CUL9: variants seen among roughly 807,000 people sequenced by gnomAD.
CUL9 encodes cullin 9.
In CUL9, 79 loss-of-function variants were observed where a neutral mutation model predicts 272.6. That is an observed-to-expected ratio of 0.29 (90% CI 0.24 to 0.35). The LOEUF (loss-of-function observed/expected upper bound fraction) is 0.35, where lower values mean the gene tolerates loss of function less well. Among genes scored for constraint, CUL9 ranks in the 10% least tolerant of loss-of-function variants. The pLI, the probability that CUL9 is intolerant of heterozygous loss-of-function variation, is 1.00. For missense variants in CUL9, 2,532 were observed against 3,255.6 expected (o/e 0.78, Z 5.41); for synonymous variants, 1,186 against 1,286.5 (o/e 0.92, Z 1.67).
In CUL9 at chr6:43,222,537, G is replaced by A; in HGVS notation, c.6928G>A (p.Ala2310Thr). 6.2e-7 allele frequency: 1 copy of A among 1,613,954 alleles called. No homozygotes were observed. The highest frequency in any genetic ancestry group is 8.5e-7 in the Non-Finnish European group (1 of 1,180,000). The part of the protein sequence containing the change: ...CTFHHQAREF[A>T]VNLRNRVSAI... ...TACACCTTCCTCCACACAGGAGTTT[G>A]CTGTGAACTTGCGGAACCGGGTGTC... The change falls in exon 37 of 41, where the codon GCT becomes ACT. Residue 2310 changes from alanine to threonine, a missense_variant. Coordinates refer to ENST00000252050, the MANE Select transcript of CUL9 (RefSeq NM_015089.4).
intron 31 of CUL9, 140 bp downstream of exon 31, chr6:43,216,643 T>C (rs1302844387): frequency 1.3e-5 from 10 of 798,794 alleles, no homozygotes; most frequent in Non-Finnish European, 1.9e-5. Flanking sequence ...TAGTCCTTCT[T>C]AAACTAGTTT....
chr6:43,208,984 A>C (rs1432443317), intron 26 of CUL9, among the ~76,000 whole-genome samples: 1 of 151,948 alleles, frequency 6.6e-6, no homozygotes, highest in Non-Finnish European at 1.5e-5. Flanking sequence ...AGCTGGGACT[A>C]TAGGTGTGCA....
chr6:43,222,663 G>GCTCTCT, intron 37 of CUL9, 22 bp downstream of exon 37: 1 of 1,610,134 alleles, frequency 6.2e-7, no homozygotes, highest in Non-Finnish European at 8.5e-7. Flanking sequence ...TGGGGGAAGA[G>GCTCTCT]AGCAGGGGAG....
intron 31 of CUL9, among the ~76,000 whole-genome samples, chr6:43,217,730 C>T (rs1329825646): frequency 6.6e-6 from 1 of 152,152 alleles, no homozygotes; most frequent in African/African-American, 2.4e-5. Flanking sequence ...CCCTTTTCCC[C>T]AGGTTCTTAA....
At chr6:43,196,582 CT>C (rs1774018204) in intron 10 of CUL9, 62 bp from the exon 11 acceptor site, 1 of 1,427,962 alleles carries the variant, frequency 7.0e-7, no homozygotes. Context: ...TCTATGCTTG[CT>C]TTGCTGCTTC....
At position 43,199,848 on chromosome 6, in the gene CUL9, C is replaced by T; in HGVS notation, c.3157-81C>T. The T allele has an allele frequency of 8.7e-7, 1 of 1,154,234 alleles. No individual in the cohort carries two copies. The highest frequency in any genetic ancestry group is 1.3e-6 in the Non-Finnish European group (1 of 773,840). 71.5% of individuals were successfully genotyped at this position (1,154,234 alleles called of 1,614,324 possible). On this transcript the variant is annotated intron_variant, in intron 13 of 40. Coordinates refer to ENST00000252050, the MANE Select transcript of CUL9 (RefSeq NM_015089.4). The surrounding 1 kb of genome is among the most constrained non-coding windows in gnomAD (Gnocchi z 4.4). ...CTCCACAATCTCAGCCACGACACTT[C>T]CTTTACTGAACCCTCTCCTCAATCC...
At position 43,216,347 on chromosome 6, in the gene CUL9, C is replaced by T. The variant is rs764939300; in HGVS notation, c.6126C>T (p.Tyr2042=). The change falls in exon 31 of 41, where the codon TAC becomes TAT. Residue 2042 remains tyrosine, a synonymous_variant. Transcript: ENST00000252050. The stretch of plus-strand genomic sequence containing the variant: ...GCGCTGAACAGCTGCTGCAGAGCTA[C>T]AGTGAGGACCCTGAGCCACTGCTGC... ...HWGAEQLLQS[Y]SEDPEPLLLA... 1.9e-6 allele frequency: 3 copies of T among 1,614,192 alleles called. No individual in the cohort carries two copies. Among genetic ancestry groups the T allele is most frequent in the Non-Finnish European group, 2.5e-6 (3 of 1,180,036 alleles).
rs1364839300 is a variant in CUL9 at position 43,204,478 on chromosome 6, C to T, written c.4278C>T (p.Cys1426=). 1.2e-6 allele frequency: 2 copies of T among 1,614,166 alleles called. No individual in the cohort carries two copies. Among genetic ancestry groups the T allele is most frequent in the East Asian group, 2.2e-5 (1 of 44,876 alleles). Residue 1426 remains cysteine, a synonymous_variant, in exon 21 of 41, where the codon TGC becomes TGT. Transcript: ENST00000252050. ...TTGCTTCTCGAGTTCGTCGCCTTTG[C>T]CACTTGCTGGTGCATGTGGAACCTC... ...ASFASRVRRL[C]HLLVHVEPPP... is the part of the protein sequence containing the mutation.
In CUL9 at chr6:43,213,856, C is replaced by T. The variant is rs759125679; in HGVS notation, c.5632C>T (p.Arg1878Cys). The T allele has an allele frequency of 6.8e-6, 11 of 1,614,010 alleles. No homozygotes were observed. Among genetic ancestry groups the T allele is most frequent in the South Asian group, 5.5e-5 (5 of 91,076 alleles). Residue 1878 changes from arginine (R) to cysteine (C), a missense_variant, in exon 29 of 41, where the codon CGT becomes TGT. By Grantham distance (180) the Arg-to-Cys change is radical. Around this residue, in one of 3 missense-constraint regions of CUL9, gnomAD observed 2,218 missense variants for 2,788.6 expected, o/e 0.80. Transcript: ENST00000252050. The surrounding 1 kb of genome is among the most constrained non-coding windows in gnomAD (Gnocchi z 5.7). Reference protein sequence around the residue: ...KRNLLSCLLVRILKAHGEKGL... With the variant: ...KRNLLSCLLVCILKAHGEKGL... The stretch of plus-strand genomic sequence containing the variant: ...GAATCTCTTGAGCTGTCTTCTTGTT[C>T]GTATTCTCAAAGCCCATGGGGAAAA...
chr6:43,187,728 G>A lies in CUL9; in HGVS notation c.1597G>A (p.Ala533Thr), dbSNP rs778148813. 1 of 1,612,664 alleles carries A rather than the reference G, an allele frequency of 6.2e-7. No individual in the cohort carries two copies. The highest frequency in any genetic ancestry group is 8.5e-7 in the Non-Finnish European group (1 of 1,179,940). The part of the protein sequence containing the change: ...KNLDETLGEK[A>T]LGEISVSVEM... ...CTGTTGACAGACCCTGGGTGAAAAG[G>A]CCCTAGGTGAGATCTCTGTGTCCGT... Residue 533 changes from alanine to threonine, a missense_variant, in exon 7 of 41, where the codon GCC becomes ACC. Physicochemically the swap from Ala to Thr is moderately conservative, Grantham distance 58. Coordinates refer to ENST00000252050, the MANE Select transcript of CUL9 (RefSeq NM_015089.4).
chr6:43,187,050 T>C lies in CUL9; in HGVS notation c.1342T>C (p.Ser448Pro), dbSNP rs1772998558. 2 of 1,613,960 alleles carry C rather than the reference T, an allele frequency of 1.2e-6. No homozygotes were observed. Among genetic ancestry groups the C allele is most frequent in the Non-Finnish European group, 1.7e-6 (2 of 1,179,944 alleles). The change falls in exon 5 of 41, where the codon TCA (serine) becomes CCA (proline). Residue 448 changes from serine (S) to proline (P), a missense_variant. By Grantham distance (74) the Ser-to-Pro change is moderately conservative. Around this residue, in one of 3 missense-constraint regions of CUL9, gnomAD observed 2,218 missense variants for 2,788.6 expected, o/e 0.80. Transcript: ENST00000252050. ...TGAGGAAGCCACTGAGGATAAGGCTTCAGCAGCTGTGGAGAAGGGGGCAGG... is the reference window on the plus strand; with the variant it reads ...TGAGGAAGCCACTGAGGATAAGGCTCCAGCAGCTGTGGAGAAGGGGGCAGG... ...GPEEATEDKA[S>P]AAVEKGAGAT...
rs1182597178 is a variant in CUL9, at chr6:43,220,124, A to G, written c.6283-335A>G. ...ATTTCCCAGGCCTCCTTTCTCTCGG[A>G]CCTTCCTGCTCTCTGCATATCTTTC... On this transcript the variant is annotated intron_variant, in intron 31 of 40. Coordinates refer to ENST00000252050, the MANE Select transcript of CUL9 (RefSeq NM_015089.4). The surrounding 1 kb of genome is among the most constrained non-coding windows in gnomAD (Gnocchi z 4.9). Among the ~76,000 whole-genome samples, 1 of 152,070 alleles carries G rather than the reference A, an allele frequency of 6.6e-6. No individual in the cohort carries two copies. The highest frequency in any genetic ancestry group is 1.5e-5 in the Non-Finnish European group (1 of 68,012).
Position 43,213,035 on chromosome 6 carries a change from G to A in CUL9, c.5213-114G>A. The A allele has an allele frequency of 8.4e-7, 1 of 1,183,532 alleles. No homozygotes were observed. The highest frequency in any genetic ancestry group is 2.3e-5 in the Admixed American group (1 of 43,418). 73.3% of individuals were successfully genotyped at this position (1,183,532 alleles called of 1,614,324 possible). A position where few individuals can be genotyped will look rare whatever the true frequency, so the allele number is the denominator to read the frequency against. On this transcript the variant is annotated intron_variant, in intron 26 of 40. Coordinates refer to ENST00000252050, the MANE Select transcript of CUL9 (RefSeq NM_015089.4). This position sits in a 1 kb window ranked among gnomAD's most constrained non-coding sequence, Gnocchi z 5.7. ...ACAAGGTATCTCTCTGTCTGAAAAT[G>A]CTGGGGCCCTCCTCCCCATAGGGAC...
chr6:43,204,035 T>G (rs780277584), intron 20 of CUL9, 48 bp downstream of exon 20: 2 of 1,539,604 alleles, frequency 1.3e-6, no homozygotes, highest in Non-Finnish European at 1.8e-6. Context: ...TTGTCCTTAT[T>G]CCCAGGGATC....
chr6:43,220,331 C>T lies in CUL9; in HGVS notation c.6283-128C>T. 3 of 1,088,980 alleles carry T rather than the reference C, an allele frequency of 2.8e-6. No homozygotes were observed. Among genetic ancestry groups the T allele is most frequent in the South Asian group, 1.5e-5 (1 of 67,548 alleles). 67.5% of individuals were successfully genotyped at this position (1,088,980 alleles called of 1,614,324 possible). On this transcript the variant is annotated intron_variant, in intron 31 of 40. Transcript: ENST00000252050. The surrounding 1 kb of genome is among the most constrained non-coding windows in gnomAD (Gnocchi z 4.9). ...CAGCATTGGTTGATCTAGAGGCAGG[C>T]TTGTTTCTGGCCTTCCACGTTGTAG...
chr6:43,187,324 A>C lies in CUL9; in HGVS notation c.1466A>C (p.Glu489Ala). ...PYLQPEPQKN[E>A]RVGYLTQAEW... ...CTCCAGCCCGAACCTCAGAAGAATG[A>C]GAGAGTGGGATATCTGACCCAGGCT... is the stretch of plus-strand genomic sequence containing the variant. Residue 489 changes from glutamate to alanine, a missense_variant, in exon 6 of 41, where the codon GAG becomes GCG. Transcript: ENST00000252050. The C allele has an allele frequency of 6.2e-7, 1 of 1,614,070 alleles. No homozygotes were observed. The highest frequency in any genetic ancestry group is 1.7e-5 in the Admixed American group (1 of 60,004).
At position 43,186,055 on chromosome 6, in the gene CUL9, A is replaced by G; in HGVS notation, c.851A>G (p.Gln284Arg). 1 of 1,614,246 alleles carries G rather than the reference A, an allele frequency of 6.2e-7. No individual in the cohort carries two copies. The highest frequency in any genetic ancestry group is 2.2e-5 in the East Asian group (1 of 44,886). ...AGTCCAGAGCTGGGAGCTGGAGACCAAAGCTCCCCATGTGCCACAAGAGAG... is the reference window on the plus strand; with the variant it reads ...AGTCCAGAGCTGGGAGCTGGAGACCGAAGCTCCCCATGTGCCACAAGAGAG... Reference protein sequence around the residue: ...NSSPELGAGDQSSPCATREKS... With the variant: ...NSSPELGAGDRSSPCATREKS... Residue 284 changes from glutamine to arginine, a missense_variant, in exon 4 of 41, where the codon CAA becomes CGA. Gln to Arg is a conservative substitution (Grantham distance 43, BLOSUM62 1). This residue lies in a region of CUL9 where 2,218 missense variants were observed against 2,788.6 expected (regional missense o/e 0.80). Transcript: ENST00000252050.
At chr6:43,204,680 T>C in intron 21 of CUL9, 68 bp from the exon 22 acceptor site, 1 of 1,588,608 alleles carries the variant, frequency 6.3e-7, no homozygotes, top group Non-Finnish European at 8.6e-7. Context: ...AGGAGATCAC[T>C]ACCCAAGACC....
At position 43,187,020 on chromosome 6, in the gene CUL9, G is replaced by A. The variant is rs1469816471; in HGVS notation, c.1312G>A (p.Gly438Ser). 6.2e-7 allele frequency: 1 copy of A among 1,613,964 alleles called. No homozygotes were observed. Among genetic ancestry groups the A allele is most frequent in the African/African-American group, 1.3e-5 (1 of 74,884 alleles). The change falls in exon 5 of 41, where the codon GGC (glycine) becomes AGC (serine). Residue 438 changes from glycine (G) to serine (S), a missense_variant. Physicochemically the swap from Gly to Ser is moderately conservative, Grantham distance 56. This residue lies in a region of CUL9 where 2,218 missense variants were observed against 2,788.6 expected (regional missense o/e 0.80). Transcript: ENST00000252050. ...WVHWHMLEIL[G>S]PEEATEDKAS... ...GCACTGGCACATGCTGGAGATCCTG[G>A]GCCCTGAGGAAGCCACTGAGGATAA...
Sources: gnomAD v4.1 joint callset for allele counts (sites outside exome capture counted in the v4.1 genomes callset) on GRCh38, gnomAD v4.1.1 for gene constraint, gnomAD v4.1.1 regional missense constraint, Gnocchi (gnomAD v3.1) non-coding constraint, MANE v1.5 for transcripts, NCBI Gene and HGNC (gene_info 2026-07-23, HGNC 2026-07-21) for gene names.